The following SYNE1 variants were observed in gnomAD, a reference collection of about 807,000 sequenced individuals.
SYNE1 encodes the protein nesprin-1.
In SYNE1, 616 loss-of-function variants were observed where a neutral mutation model predicts 1,111.0. The observed-to-expected ratio is 0.55, with a 90% CI of 0.52 to 0.59. SYNE1 has a LOEUF of 0.59. SYNE1 is among the 20% of genes least tolerant of loss of function. The pLI is 0.00. For missense variants in SYNE1, 10,006 were observed against 10,417.0 expected (o/e 0.96, Z 1.72); for synonymous variants, 3,855 against 3,825.8 (o/e 1.01, Z -0.28).
At chr6:152,237,335 G>A (rs1002981183) in intron 108 of SYNE1, among the ~76,000 whole-genome samples, 5 of 133,846 alleles carry the variant, frequency 3.7e-5, no homozygotes, top group African/African-American at 1.4e-4. Context: ...TTTTAGATAG[G>A]CTCTCACTCT....
chr6:152,629,522 C>CGGGGGGGGGGGGG, intron 2 of SYNE1, among the ~76,000 whole-genome samples: 6 of 6,136 alleles, frequency 9.8e-4, no homozygotes, highest in Non-Finnish European at 1.4e-3. Flanking sequence ...GTTTCATTGC[C>CGGGGGGGGGGGGG]GGGGGGGGGG....
intron 59 of SYNE1, among the ~76,000 whole-genome samples, chr6:152,371,900 A>AAGGAC (rs1563461409): frequency 6.6e-5 from 6 of 90,334 alleles, no homozygotes; most frequent in African/African-American, 2.8e-4. Context: ...AAGGAAAGGA[A>AAGGAC]AGGAAAGGAA....
chr6:152,377,051 G>A, intron 56 of SYNE1, 139 bp from the exon 57 acceptor site: 1 of 1,170,794 alleles, frequency 8.5e-7, no homozygotes, highest in Non-Finnish European at 1.2e-6. Context: ...AAGAAATGAA[G>A]CCTGTTTTCA....
At chr6:152,284,323 A>C (rs1426163446) in intron 95 of SYNE1, 151 bp from the exon 96 acceptor site, 15 of 828,302 alleles carry the variant, frequency 1.8e-5, no homozygotes, top group Non-Finnish European at 2.8e-5. Flanking sequence ...CTACTCACCT[A>C]CATTTCTAAA....
intron 3 of SYNE1, among the ~76,000 whole-genome samples, chr6:152,623,634 C>T (rs2099680122): frequency 1.3e-5 from 2 of 152,160 alleles, no homozygotes; most frequent in Non-Finnish European, 2.9e-5. Context: ...TGACAAAGGT[C>T]TAATATCCAG....
At chr6:152,376,626 A>G (rs2097286634) in intron 57 of SYNE1, 68 bp from the exon 58 acceptor site, 3 of 1,589,160 alleles carry the variant, frequency 1.9e-6, no homozygotes, top group Non-Finnish European at 2.6e-6. Context: ...CATGTTTGAT[A>G]GAATCACCAG....
chr6:152,354,168 T>C (rs1160770194), intron 67 of SYNE1, among the ~76,000 whole-genome samples: 2 of 152,096 alleles, frequency 1.3e-5, no homozygotes, highest in East Asian at 1.9e-4. Context: ...TAAATAAACA[T>C]GAAAACAAAG....
At chr6:152,606,836 A>G (rs1285433251) in intron 3 of SYNE1, among the ~76,000 whole-genome samples, 2 of 149,710 alleles carry the variant, frequency 1.3e-5, no homozygotes, top group African/African-American at 4.9e-5. Flanking sequence ...ATATATTTTT[A>G]GTAGAGATGG....
chr6:152,184,535 C>T (rs1463702464), intron 128 of SYNE1, among the ~76,000 whole-genome samples: 4 of 151,550 alleles, frequency 2.6e-5, no homozygotes, highest in East Asian at 3.9e-4. Context: ...TACTATTATA[C>T]ATGACTACAG....
intron 115 of SYNE1, among the ~76,000 whole-genome samples, chr6:152,226,770 C>A (rs1456660078): frequency 6.6e-6 from 1 of 152,094 alleles, no homozygotes; most frequent in Non-Finnish European, 1.5e-5. Context: ...GATTAGAACC[C>A]AGTCTTTGGA....
intron 127 of SYNE1, among the ~76,000 whole-genome samples, chr6:152,201,105 A>G (rs2075315513): frequency 6.6e-6 from 1 of 152,244 alleles, no homozygotes; most frequent in African/African-American, 2.4e-5. Flanking sequence ...TTAATTTGAA[A>G]GAAAAACATT....
chr6:152,582,468 G>T lies in SYNE1; in HGVS notation c.68-42447C>A, dbSNP rs907767436. On this transcript the variant is annotated intron_variant, in intron 3 of 145. Transcript: ENST00000367255. Reference sequence around the variant, plus strand: ...GTACACACACTGAGTTAAATTTTAAGTCAAATTTATATATATACACACACA... The same window carrying T: ...GTACACACACTGAGTTAAATTTTAATTCAAATTTATATATATACACACACA... Among the ~76,000 whole-genome samples the T allele has an allele frequency of 9.2e-5, 14 of 151,864 alleles. No individual in the cohort carries two copies. The Middle Eastern group carries it at 0.01, about 111-fold the overall frequency.
At chr6:152,588,169 A>T (rs895623105) in intron 3 of SYNE1, among the ~76,000 whole-genome samples, 1 of 152,194 alleles carries the variant, frequency 6.6e-6, no homozygotes, top group African/African-American at 2.4e-5. Flanking sequence ...GCTTCATCAG[A>T]TACAGATGTC....
Position 152,462,794 on chromosome 6 carries a change from A to C in SYNE1, c.2194T>G (p.Ser732Ala). 6.2e-7 allele frequency: 1 copy of C among 1,614,042 alleles called. No homozygotes were observed. Among genetic ancestry groups the C allele is most frequent in the Non-Finnish European group, 8.5e-7 (1 of 1,179,942 alleles). ...AFATEAHKKL[S>A]EPLEVSFMNV... Reference sequence around the variant, plus strand: ...ATAAAAGAGACTTCTAAGGGTTCAGAAAGTTTCTTATGGGCTTCCGTTGCA... The same window carrying C: ...ATAAAAGAGACTTCTAAGGGTTCAGCAAGTTTCTTATGGGCTTCCGTTGCA... Residue 732 changes from serine (S) to alanine (A), a missense_variant, in exon 20 of 146, where the codon TCT (serine) becomes GCT (alanine). Physicochemically the swap from Ser to Ala is moderately conservative, Grantham distance 99 (BLOSUM62 1). This residue lies in a region of SYNE1 where 1,971 missense variants were observed against 2,084.1 expected (regional missense o/e 0.95). Coordinates refer to ENST00000367255, the MANE Select transcript of SYNE1 (RefSeq NM_182961.4).
intron 127 of SYNE1, among the ~76,000 whole-genome samples, chr6:152,190,135 A>C (rs2071797726): frequency 6.6e-6 from 1 of 152,206 alleles, no homozygotes; most frequent in Non-Finnish European, 1.5e-5. Context: ...GTTGACGGCC[A>C]TACCACCCTA....
chr6:152,133,623 A>G lies in SYNE1; in HGVS notation c.25789-135T>C, dbSNP rs1460113186. On this transcript the variant is annotated intron_variant, in intron 142 of 145. Transcript: ENST00000367255. ...ATCAAACGTGGAGCTCACACACTAAAGGATGCAGCAGCTCACGGCCTGAGT... is the reference window on the plus strand; with the variant it reads ...ATCAAACGTGGAGCTCACACACTAAGGGATGCAGCAGCTCACGGCCTGAGT... 3.5e-6 allele frequency: 3 copies of G among 850,974 alleles called. No homozygotes were observed. The East Asian group carries it at 7.9e-5, about 23-fold the overall frequency. The allele number at this position is 850,974 out of a possible 1,614,324, so 52.7% of individuals were successfully genotyped here.
In SYNE1 at chr6:152,368,964, G is replaced by C. The variant is rs1377727792; in HGVS notation, c.9807+8C>G. The stretch of plus-strand genomic sequence containing the variant: ...TCACACTCACACACAGCACGTGCCA[G>C]GCGTTACCTTTGTTAAATTGCTTAG... On this transcript the variant is annotated splice_region_variant and intron_variant, in intron 61 of 145. Transcript: ENST00000367255. The C allele has an allele frequency of 1.2e-6, 2 of 1,614,128 alleles. No individual in the cohort carries two copies. Among genetic ancestry groups the C allele is most frequent in the East Asian group, 2.2e-5 (1 of 44,886 alleles).
At chr6:152,367,557 A>G (rs1293136364) in intron 61 of SYNE1, 175 bp from the exon 62 acceptor site, 6 of 741,900 alleles carry the variant, frequency 8.1e-6, no homozygotes, top group Non-Finnish European at 1.1e-5. Context: ...TCATAAAACT[A>G]TTAGAATAAC....
At chr6:152,297,684 T>C (rs2153799195) in intron 93 of SYNE1, among the ~76,000 whole-genome samples, 1 of 152,304 alleles carries the variant, frequency 6.6e-6, no homozygotes, top group Middle Eastern at 3.4e-3. Flanking sequence ...GGTGTAAACA[T>C]TTTACATTAG....
Sources: allele counts gnomAD v4.1 joint callset (sites outside exome capture counted in the v4.1 genomes callset), GRCh38; gene constraint gnomAD v4.1.1; regional missense constraint gnomAD v4.1.1; transcripts MANE v1.5; gene names NCBI Gene and HGNC (gene_info 2026-07-23, HGNC 2026-07-21).